Variants in USP37 observed in about 807,000 individuals in gnomAD.
USP37 encodes ubiquitin carboxyl-terminal hydrolase 37.
USP37 carries 27 observed loss-of-function variants against 124.0 expected under a neutral mutation model. The observed-to-expected ratio is 0.22, with a 90% confidence interval of 0.16 to 0.30. The LOEUF is 0.30. Among genes scored for constraint, USP37 ranks in the 10% least tolerant of loss-of-function variants. The pLI is 1.00. For missense variants in USP37, 889 were observed against 1,140.4 expected (o/e 0.78, Z 3.17); for synonymous variants, 365 against 388.0 (o/e 0.94, Z 0.70).
chr2:218,468,300 G>A (rs1690482993), intron 20 of USP37, among the ~76,000 whole-genome samples: 1 of 151,740 alleles, frequency 6.6e-6, no homozygotes, highest in African/African-American at 2.4e-5. Context: ...CACCTCCCGG[G>A]TTCAAGCAAT....
intron 14 of USP37, among the ~76,000 whole-genome samples, chr2:218,494,406 G>A (rs1261084531): frequency 6.6e-6 from 1 of 151,858 alleles, no homozygotes; most frequent in African/African-American, 2.4e-5. Flanking sequence ...AGATGAAAAG[G>A]CTCTACCATA....
chr2:218,488,785 G>A (rs935780228), intron 14 of USP37, among the ~76,000 whole-genome samples: 18 of 152,096 alleles, frequency 1.2e-4, no homozygotes, highest in African/African-American at 3.4e-4. Context: ...ACAGGCATGC[G>A]CCACCATGCC....
chr2:218,487,321 T>A (rs1691629877), intron 15 of USP37, among the ~76,000 whole-genome samples: 1 of 152,242 alleles, frequency 6.6e-6, no homozygotes, highest in Non-Finnish European at 1.5e-5. Context: ...ATTCTGCAGA[T>A]CTTAGGATAC....
intron 11 of USP37, among the ~76,000 whole-genome samples, chr2:218,506,946 G>A (rs943702210): frequency 5.9e-5 from 9 of 151,650 alleles, no homozygotes; most frequent in South Asian, 4.2e-4. Context: ...ACAGGCACCC[G>A]CCACCACATC....
chr2:218,526,857 C>T (rs1423416905), intron 10 of USP37, among the ~76,000 whole-genome samples: 3 of 136,428 alleles, frequency 2.2e-5, no homozygotes, highest in Non-Finnish European at 3.0e-5. Flanking sequence ...GGCGCGATCT[C>T]GGCTCACTGC....
intron 11 of USP37, among the ~76,000 whole-genome samples, chr2:218,509,602 T>C (rs983242885): frequency 5.3e-5 from 8 of 151,996 alleles, no homozygotes; most frequent in Admixed American, 2.0e-4. Flanking sequence ...ATTTAAAAGA[T>C]AGCTACTATA....
At chr2:218,509,779 T>C (rs1008047806) in intron 11 of USP37, among the ~76,000 whole-genome samples, 200 bp downstream of exon 11, 3 of 152,166 alleles carry the variant, frequency 2.0e-5, no homozygotes, top group Admixed American at 6.6e-5. Flanking sequence ...ATATTATATA[T>C]ATTCCAAAGT....
At chr2:218,501,889 G>C (rs1689407595) in intron 11 of USP37, among the ~76,000 whole-genome samples, 1 of 152,172 alleles carries the variant, frequency 6.6e-6, no homozygotes, top group Admixed American at 6.5e-5. Context: ...TCAAGGAAAA[G>C]AATGTTTACT....
At chr2:218,480,594 T>C (rs1691219475) in intron 17 of USP37, among the ~76,000 whole-genome samples, 1 of 152,192 alleles carries the variant, frequency 6.6e-6, no homozygotes, top group Non-Finnish European at 1.5e-5. Context: ...AGCTCTCATT[T>C]ATGGAGGATT....
At chr2:218,471,978 T>C (rs1037211726) in intron 20 of USP37, among the ~76,000 whole-genome samples, 4 of 149,976 alleles carry the variant, frequency 2.7e-5, no homozygotes, top group Non-Finnish European at 1.5e-5. Context: ...TGCAGTGAGC[T>C]GAGATCATGC....
chr2:218,544,406 A>AAAAAAATAT (rs1312705279), intron 8 of USP37, among the ~76,000 whole-genome samples: 7 of 82,972 alleles, frequency 8.4e-5, no homozygotes, highest in African/African-American at 4.8e-4. Context: ...AAAAAAAAAA[A>AAAAAAATAT]ATATATATAT....
Position 218,552,216 on chromosome 2 carries a change from T to C in USP37, c.328+1337A>G, listed in dbSNP as rs62193784. On this transcript the variant is annotated intron_variant, in intron 5 of 25. Coordinates refer to ENST00000258399, the MANE Select transcript of USP37 (RefSeq NM_020935.3). ...ATAAAAAGCTTTTATTTTACAAGAA[T>C]ACGGTGTCGAATGGAGATACTAATT... Among the ~76,000 whole-genome samples, 1,355 of 152,334 alleles carry C rather than the reference T, an allele frequency of 8.9e-3. 12 individuals carry two copies. Among genetic ancestry groups the C allele is most frequent in the Middle Eastern group, 0.017 (5 of 294 alleles).
intron 21 of USP37, among the ~76,000 whole-genome samples, chr2:218,464,239 C>A (rs902587768): frequency 7.0e-6 from 1 of 142,798 alleles, no homozygotes; most frequent in African/African-American, 2.6e-5. Flanking sequence ...AATTAGATTT[C>A]TTTTTTTTTT....
Position 218,562,579 on chromosome 2 carries a change from A to G in USP37, c.-89+94T>C, listed in dbSNP as rs567256349. The G allele has an allele frequency of 1.4e-3, 562 of 394,918 alleles. 2 individuals carry two copies. Among genetic ancestry groups the G allele is most frequent in the African/African-American group, 0.011 (523 of 48,684 alleles). The allele number at this position is 394,918 out of a possible 1,614,324, so 24.5% of individuals were successfully genotyped here. A position where few individuals can be genotyped will look rare whatever the true frequency, so the allele number is the denominator to read the frequency against. Reference sequence around the variant, plus strand: ...GGTAAATAAAGTATGGCCAAAACACAAAAACTATTACTACAAAACAAACAC... The same window carrying G: ...GGTAAATAAAGTATGGCCAAAACACGAAAACTATTACTACAAAACAAACAC... On this transcript the variant is annotated intron_variant, in intron 2 of 25. Coordinates refer to ENST00000258399, the MANE Select transcript of USP37 (RefSeq NM_020935.3).
chr2:218,546,521 C>A (rs1405542142), intron 7 of USP37, among the ~76,000 whole-genome samples: 1 of 152,136 alleles, frequency 6.6e-6, no homozygotes, highest in African/African-American at 2.4e-5. Flanking sequence ...CAGGTTCAAG[C>A]GATTCTCCTG....
At chr2:218,468,283 C>G (rs1690481690) in intron 20 of USP37, among the ~76,000 whole-genome samples, 1 of 151,926 alleles carries the variant, frequency 6.6e-6, no homozygotes, top group Non-Finnish European at 1.5e-5. Context: ...TGGCTCATTG[C>G]AACCTCCACC....
At chr2:218,524,990 C>T (rs1690876322) in intron 10 of USP37, among the ~76,000 whole-genome samples, 1 of 152,170 alleles carries the variant, frequency 6.6e-6, no homozygotes, top group Non-Finnish European at 1.5e-5. Flanking sequence ...AAAAGAAGAT[C>T]TTCTTTACTG....
At chr2:218,525,395 G>C (rs1048563202) in intron 10 of USP37, among the ~76,000 whole-genome samples, 50 of 152,224 alleles carry the variant, frequency 3.3e-4, no homozygotes, top group African/African-American at 1.2e-3. Flanking sequence ...TGGGTGGGAG[G>C]ATCACCTGAG....
Position 218,511,796 on chromosome 2 carries a change from TTTTC to T in USP37, c.864-1660_864-1657del, listed in dbSNP as rs1298624558. ...TACTGGGAAATTTATCAATTTTTTC[TTTTC>T]TTTTTTTTTTTTTGTATCTCGTTTA... On this transcript the variant is annotated intron_variant, in intron 10 of 25. Transcript: ENST00000258399. 1.1e-3 allele frequency among the ~76,000 whole-genome samples: 7 copies of T among 6,320 alleles called. No individual in the cohort carries two copies. The East Asian group carries it at 0.044, about 40-fold the overall frequency. The allele number at this position is 6,320 out of a possible 152,430, so 4.1% of individuals were successfully genotyped here. A position where few individuals can be genotyped will look rare whatever the true frequency, so the allele number is the denominator to read the frequency against.
Sources: gnomAD v4.1 joint callset for allele counts (sites outside exome capture counted in the v4.1 genomes callset) on GRCh38, gnomAD v4.1.1 for gene constraint, MANE v1.5 for transcripts, NCBI Gene and HGNC (gene_info 2026-07-23, HGNC 2026-07-21) for gene names.